SOAT1: variants seen among roughly 807,000 people sequenced by gnomAD.
SOAT1 encodes the protein acyl-coenzyme A:cholesterol acyltransferase 1.
SOAT1 carries 55 observed loss-of-function variants against 69.5 expected under a neutral mutation model. That is an observed-to-expected ratio of 0.79 (90% CI 0.64 to 0.99). The LOEUF (loss-of-function observed/expected upper bound fraction) is 0.99. Ranked by LOEUF, SOAT1 falls within the 50% of genes least tolerant of loss-of-function variation. The pLI is 0.00. For synonymous variants in SOAT1, 231 were observed against 224.7 expected, an observed-to-expected ratio of 1.03 and a Z score of -0.25; for missense variants, 580 against 669.3, an observed-to-expected ratio of 0.87 and a Z score of 1.47.
intron 3 of SOAT1, among the ~76,000 whole-genome samples, chr1:179,329,075 T>C (rs945740134): frequency 6.7e-6 from 1 of 149,570 alleles, no homozygotes; most frequent in African/African-American, 2.5e-5. Flanking sequence ...TGTTGCAACA[T>C]ATTCTGTTTG....
chr1:179,339,618 G>A, intron 6 of SOAT1, 73 bp downstream of exon 6: 1 of 926,350 alleles, frequency 1.1e-6, no homozygotes. Flanking sequence ...TTTTGGTAAA[G>A]GGTAAATTGA....
At chr1:179,338,662 A>G (rs1178402735) in intron 5 of SOAT1, among the ~76,000 whole-genome samples, 1 of 152,230 alleles carries the variant, frequency 6.6e-6, no homozygotes, top group African/African-American at 2.4e-5. Flanking sequence ...GGCTTTTCAC[A>G]TAAAAGGGAA....
At chr1:179,296,100 C>A (rs148939819) in intron 1 of SOAT1, among the ~76,000 whole-genome samples, 1 of 149,918 alleles carries the variant, frequency 6.7e-6, no homozygotes, top group Non-Finnish European at 1.5e-5. Context: ...GGATTACAGG[C>A]GTGAGCCACC....
intron 1 of SOAT1, among the ~76,000 whole-genome samples, chr1:179,299,856 C>A (rs1404247871): frequency 7.3e-6 from 1 of 136,594 alleles, no homozygotes; most frequent in African/African-American, 2.7e-5. Context: ...TGGGTTCATG[C>A]CATTCTCCTG....
At chr1:179,349,281 C>T (rs949004818) in intron 13 of SOAT1, among the ~76,000 whole-genome samples, 2 of 150,552 alleles carry the variant, frequency 1.3e-5, no homozygotes, top group African/African-American at 4.9e-5. Context: ...CAAATAATCT[C>T]CCTTTGGTCT....
intron 3 of SOAT1, among the ~76,000 whole-genome samples, chr1:179,334,726 C>G (rs1666085086): frequency 6.6e-6 from 1 of 152,058 alleles, no homozygotes; most frequent in Non-Finnish European, 1.5e-5. Context: ...AAGAAATTTA[C>G]AATACTGGGC....
intron 2 of SOAT1, among the ~76,000 whole-genome samples, chr1:179,319,496 C>T (rs1410218842): frequency 6.6e-6 from 1 of 152,040 alleles, no homozygotes; most frequent in African/African-American, 2.4e-5. Flanking sequence ...TCTCGAACTG[C>T]CGACCTCAGG....
In SOAT1 at chr1:179,350,438, A is replaced by G. The variant is rs374950467; in HGVS notation, c.1450+7A>G. On this transcript the variant is annotated splice_region_variant and intron_variant, in intron 14 of 15. Coordinates refer to ENST00000367619, the MANE Select transcript of SOAT1 (RefSeq NM_003101.6). Reference sequence around the variant, plus strand: ...CTCTTCATGTTCTTTGGAAGTAAGTATCTTGGTATGCTGTGAGTACTGGGT... The same window carrying G: ...CTCTTCATGTTCTTTGGAAGTAAGTGTCTTGGTATGCTGTGAGTACTGGGT... The G allele has an allele frequency of 6.8e-6, 11 of 1,613,184 alleles. No homozygotes were observed. In the African/African-American group the frequency reaches 9.3e-5, roughly 14 times the overall value.
At chr1:179,338,008 A>G in intron 5 of SOAT1, 112 bp downstream of exon 5, 1 of 659,384 alleles carries the variant, frequency 1.5e-6, no homozygotes, top group Non-Finnish European at 2.4e-6. Context: ...ATAAATCATT[A>G]GTGGGTTTTT....
At chr1:179,342,966 A>G (rs374293584) in intron 9 of SOAT1, 23 bp downstream of exon 9, 11 of 1,595,068 alleles carry the variant, frequency 6.9e-6, no homozygotes, top group South Asian at 1.1e-5. Flanking sequence ...TGAACCAGAA[A>G]TGTGGTAAAC....
At chr1:179,306,777 G>A (rs1665018305) in intron 2 of SOAT1, among the ~76,000 whole-genome samples, 2 of 143,510 alleles carry the variant, frequency 1.4e-5, no homozygotes, top group South Asian at 4.4e-4. Context: ...CTTGCAGTGA[G>A]CTGAGATCAT....
chr1:179,302,753 T>C lies in SOAT1; in HGVS notation c.69T>C (p.Asp23=), dbSNP rs1210200180. The change falls in exon 2 of 16, where the codon GAT becomes GAC. Residue 23 remains aspartate (D), a synonymous_variant. Transcript: ENST00000367619. ...LSKSRENPEE[D]EDQRNPAKES... Reference sequence around the variant, plus strand: ...AGTCCAGGGAAAATCCTGAGGAAGATGAAGACCAGAGAAACCCTGCAAAGG... The same window carrying C: ...AGTCCAGGGAAAATCCTGAGGAAGACGAAGACCAGAGAAACCCTGCAAAGG... The C allele has an allele frequency of 6.2e-7, 1 of 1,609,262 alleles. No homozygotes were observed. Among genetic ancestry groups the C allele is most frequent in the Non-Finnish European group, 8.5e-7 (1 of 1,178,916 alleles).
rs959123589 is a variant in SOAT1 at position 179,354,747 on chromosome 1, A to G, written c.*1106A>G. The G allele has an allele frequency of 2.0e-5, 3 of 152,144 alleles. No homozygotes were observed. Among genetic ancestry groups the G allele is most frequent in the Non-Finnish European group, 2.9e-5 (2 of 68,024 alleles). The allele number at this position is 152,144 out of a possible 1,614,324, so 9.4% of individuals were successfully genotyped here. A position where few individuals can be genotyped will look rare whatever the true frequency, so the allele number is the denominator to read the frequency against. ...TATGTGATTGGTTTCAAGGAAATGTACTCTATTATGTAATACTTCCATTTT... is the reference window on the plus strand; with the variant it reads ...TATGTGATTGGTTTCAAGGAAATGTGCTCTATTATGTAATACTTCCATTTT... On this transcript the variant is annotated 3_prime_UTR_variant, in exon 16 of 16. Coordinates refer to ENST00000367619, the MANE Select transcript of SOAT1 (RefSeq NM_003101.6).
chr1:179,310,488 G>A (rs1665186916), intron 2 of SOAT1, among the ~76,000 whole-genome samples: 1 of 152,182 alleles, frequency 6.6e-6, no homozygotes, highest in African/African-American at 2.4e-5. Flanking sequence ...GTGCAGACTT[G>A]TGAGTAGTTG....
At chr1:179,345,453 T>C (rs963355676) in intron 11 of SOAT1, among the ~76,000 whole-genome samples, 1 of 152,220 alleles carries the variant, frequency 6.6e-6, no homozygotes, top group Non-Finnish European at 1.5e-5. Context: ...GTAATCCATA[T>C]TCTAATCCAG....
At chr1:179,351,721 A>ATTTTTTTT (rs71901753) in intron 15 of SOAT1, among the ~76,000 whole-genome samples, 1,312 of 106,376 alleles carry the variant, frequency 0.012, 156 homozygotes, top group East Asian at 0.054. Flanking sequence ...GCCCCTTCTA[A>ATTTTTTTT]TTTTTTTTTT....
chr1:179,314,778 T>G (rs1481033557), intron 2 of SOAT1, among the ~76,000 whole-genome samples: 1 of 152,036 alleles, frequency 6.6e-6, no homozygotes, highest in African/African-American at 2.4e-5. Context: ...TTACAAAAAT[T>G]TTCATCAAAA....
chr1:179,316,378 A>G (rs1180001143), intron 2 of SOAT1, among the ~76,000 whole-genome samples: 1 of 151,810 alleles, frequency 6.6e-6, no homozygotes, highest in Non-Finnish European at 1.5e-5. Flanking sequence ...TCACTGTGAT[A>G]TATCTAAGTC....
intron 2 of SOAT1, among the ~76,000 whole-genome samples, chr1:179,307,761 G>A (rs767244648): frequency 6.6e-6 from 1 of 151,762 alleles, no homozygotes; most frequent in African/African-American, 2.4e-5. Context: ...CACTTTCTGC[G>A]TATGTAGCAC....
Sources: gnomAD v4.1 joint callset for allele counts (sites outside exome capture counted in the v4.1 genomes callset) on GRCh38, gnomAD v4.1.1 for gene constraint, MANE v1.5 for transcripts, NCBI Gene and HGNC (gene_info 2026-07-23, HGNC 2026-07-21) for gene names.